Variants in ATP8A1 observed in about 807,000 individuals in gnomAD.
ATP8A1 encodes the protein ATPase phospholipid transporting 8A1.
Under a neutral mutation model 177.7 loss-of-function variants are expected in ATP8A1, and 90 were observed. That is an observed-to-expected ratio of 0.51 (90% confidence interval 0.43 to 0.60). The LOEUF (loss-of-function observed/expected upper bound fraction) is 0.60, where lower values mean the gene tolerates loss of function less well. Among genes scored for constraint, ATP8A1 ranks in the 20% least tolerant of loss-of-function variants. The probability of loss-of-function intolerance (pLI) is 0.00; values close to 1 mark genes in which losing one functional copy is unlikely to be tolerated. For missense variants in ATP8A1, 1,072 were observed against 1,392.8 expected (o/e 0.77, Z 3.67); for synonymous variants, 493 against 485.9 (o/e 1.01, Z -0.19).
At chr4:42,549,522 G>C (rs1385650601) in intron 18 of ATP8A1, among the ~76,000 whole-genome samples, 1 of 152,116 alleles carries the variant, frequency 6.6e-6, no homozygotes, top group Non-Finnish European at 1.5e-5. Context: ...AGGTCTGGTG[G>C]CCATGCCTGT....
chr4:42,630,764 TG>T (rs1407117347), intron 1 of ATP8A1, among the ~76,000 whole-genome samples: 1 of 152,186 alleles, frequency 6.6e-6, no homozygotes, highest in African/African-American at 2.4e-5. Flanking sequence ...CACCATGCAA[TG>T]GGTTTGAACT....
chr4:42,482,508 G>T (rs980269186), intron 25 of ATP8A1, among the ~76,000 whole-genome samples: 4 of 152,030 alleles, frequency 2.6e-5, no homozygotes, highest in African/African-American at 7.3e-5. Context: ...GGGGTGGGGG[G>T]ATTAGTTCTG....
intron 21 of ATP8A1, among the ~76,000 whole-genome samples, chr4:42,522,740 C>T (rs929262889): frequency 6.6e-6 from 1 of 152,192 alleles, no homozygotes; most frequent in Admixed American, 6.5e-5. Context: ...TTCTGCTTTT[C>T]CCAACGACTG....
At chr4:42,583,582 C>A (rs1313919367) in intron 9 of ATP8A1, among the ~76,000 whole-genome samples, 2 of 152,146 alleles carry the variant, frequency 1.3e-5, no homozygotes, top group African/African-American at 4.8e-5. Context: ...TTTTCAATTA[C>A]AAGGACTCAA....
intron 35 of ATP8A1, among the ~76,000 whole-genome samples, chr4:42,417,558 T>C (rs1713385463): frequency 6.6e-6 from 1 of 152,170 alleles, no homozygotes; most frequent in Non-Finnish European, 1.5e-5. Context: ...GAGGTGAATA[T>C]AAAGATAACA....
intron 4 of ATP8A1, among the ~76,000 whole-genome samples, chr4:42,618,375 T>C (rs1022665155): frequency 3.2e-4 from 49 of 152,294 alleles, no homozygotes; most frequent in African/African-American, 1.1e-3. Flanking sequence ...CATAAATATA[T>C]ACCAGTCAAA....
At chr4:42,447,979 T>C (rs1419392737) in intron 30 of ATP8A1, among the ~76,000 whole-genome samples, 9 of 152,218 alleles carry the variant, frequency 5.9e-5, no homozygotes, top group African/African-American at 1.7e-4. Flanking sequence ...TATGGATCTC[T>C]TTACACTAAA....
chr4:42,504,857 T>C (rs955934757), intron 23 of ATP8A1, among the ~76,000 whole-genome samples: 2 of 152,252 alleles, frequency 1.3e-5, no homozygotes, highest in African/African-American at 4.8e-5. Flanking sequence ...GACACTGCTA[T>C]GCTGAAGATC....
intron 12 of ATP8A1, among the ~76,000 whole-genome samples, chr4:42,577,624 A>T (rs1199592727): frequency 1.3e-5 from 2 of 152,180 alleles, no homozygotes; most frequent in Non-Finnish European, 2.9e-5. Flanking sequence ...CTTTAATAAA[A>T]ATAAAACTAA....
chr4:42,429,871 A>G (rs7660559), intron 33 of ATP8A1, among the ~76,000 whole-genome samples: 27,178 of 152,212 alleles, frequency 0.18, 2,919 homozygotes, highest in South Asian at 0.3. Context: ...AACAAACCAG[A>G]CATAAAAGGA....
At chr4:42,607,898 G>A (rs1365918343) in intron 5 of ATP8A1, among the ~76,000 whole-genome samples, 1 of 152,114 alleles carries the variant, frequency 6.6e-6, no homozygotes, top group East Asian at 1.9e-4. Flanking sequence ...AATAAGTTAC[G>A]ACAGGATTGT....
In ATP8A1 at chr4:42,487,202, C is replaced by G. The variant is rs146560790; in HGVS notation, c.2152-1534G>C. 7.4e-3 allele frequency among the ~76,000 whole-genome samples: 1,126 copies of G among 152,218 alleles called. 16 individuals are homozygous for G. Among genetic ancestry groups the G allele is most frequent in the Middle Eastern group, 0.041 (12 of 294 alleles). ...GATCAAATAAAAGAACGCCTTCTAT[C>G]AATGAAGAGTTCACTTTCAGGGACA... On this transcript the variant is annotated intron_variant, in intron 24 of 36. Coordinates refer to ENST00000381668, the MANE Select transcript of ATP8A1 (RefSeq NM_006095.2).
At chr4:42,454,407 T>C (rs1299228631) in intron 29 of ATP8A1, among the ~76,000 whole-genome samples, 1 of 152,218 alleles carries the variant, frequency 6.6e-6, no homozygotes, top group Non-Finnish European at 1.5e-5. Flanking sequence ...TAAGGTTACA[T>C]CTAATTATCA....
chr4:42,522,037 G>C, intron 22 of ATP8A1, 123 bp downstream of exon 22: 1 of 1,058,788 alleles, frequency 9.4e-7, no homozygotes. Context: ...GATGATGAGA[G>C]GGTATTCAAT....
At position 42,435,426 on chromosome 4, in the gene ATP8A1, CAAAAAAAAAAAA is replaced by C. The variant is rs55945370; in HGVS notation, c.3123+8127_3123+8138del. The stretch of plus-strand genomic sequence containing the variant: ...GGGGGACAAGAGCGAGACTTCATCT[CAAAAAAAAAAAA>C]AAAAAAAAAAACAAAAAAAAAAAAA... On this transcript the variant is annotated intron_variant, in intron 33 of 36. Transcript: ENST00000381668. Among the ~76,000 whole-genome samples, 255 of 93,958 alleles carry C rather than the reference CAAAAAAAAAAAA, an allele frequency of 2.7e-3. 1 individual carries two copies. Among genetic ancestry groups the C allele is most frequent in the East Asian group, 8.6e-3 (17 of 1,976 alleles). The allele number at this position is 93,958 out of a possible 152,430, so 61.6% of individuals were successfully genotyped here. A position where few individuals can be genotyped will look rare whatever the true frequency, so the allele number is the denominator to read the frequency against.
In ATP8A1 at chr4:42,625,718, A is replaced by T; in HGVS notation, c.165-5T>A. On this transcript the variant is annotated splice_polypyrimidine_tract_variant and splice_region_variant and intron_variant, in intron 2 of 36. Coordinates refer to ENST00000381668, the MANE Select transcript of ATP8A1 (RefSeq NM_006095.2). ...ATTATGTTGTATTTTGCAGTGCTAGAAAACAAAAATGAAAAGTAGCATAAA... is the reference window on the plus strand; with the variant it reads ...ATTATGTTGTATTTTGCAGTGCTAGTAAACAAAAATGAAAAGTAGCATAAA... The T allele has an allele frequency of 6.4e-7, 1 of 1,567,964 alleles. No individual in the cohort carries two copies. Among genetic ancestry groups the T allele is most frequent in the Non-Finnish European group, 8.7e-7 (1 of 1,149,754 alleles).
At position 42,588,325 on chromosome 4, in the gene ATP8A1, G is replaced by T; in HGVS notation, c.529C>A (p.Pro177Thr). ...ADLISLSSSE[P>T]QAMCYIETSN... ...GTTTCAATGTAGCACATGGCTTGGG[G>T]CTCACTGTAGTTTGGAGTTGAGAAG... The change falls in exon 8 of 37, where the codon CCC becomes ACC. Residue 177 changes from proline to threonine, a missense_variant. Physicochemically the swap from Pro to Thr is conservative, Grantham distance 38 (BLOSUM62 -1). Coordinates refer to ENST00000381668, the MANE Select transcript of ATP8A1 (RefSeq NM_006095.2). 1 of 1,612,774 alleles carries T rather than the reference G, an allele frequency of 6.2e-7. No individual in the cohort carries two copies. The highest frequency in any genetic ancestry group is 8.5e-7 in the Non-Finnish European group (1 of 1,179,460).
Position 42,416,173 on chromosome 4 carries a change from C to T in ATP8A1, c.3306-1455G>A, listed in dbSNP as rs571949505. On this transcript the variant is annotated intron_variant, in intron 35 of 36. Coordinates refer to ENST00000381668, the MANE Select transcript of ATP8A1 (RefSeq NM_006095.2). The stretch of plus-strand genomic sequence containing the variant: ...GATCTAGCATTACAGACCCATGGAC[C>T]CTGAGGGACACTAAAATATGTAACT... Among the ~76,000 whole-genome samples the T allele has an allele frequency of 4.6e-5, 7 of 152,180 alleles. 1 individual carries two copies. Among genetic ancestry groups the T allele is most frequent in the South Asian group, 4.2e-4 (2 of 4,810 alleles).
chr4:42,552,396 A>T, intron 17 of ATP8A1, 109 bp downstream of exon 17: 1 of 865,386 alleles, frequency 1.2e-6, no homozygotes, highest in East Asian at 2.8e-5. Context: ...GTAAATAAAA[A>T]TTTTTATCTA....
Sources: gnomAD v4.1 joint callset for allele counts (sites outside exome capture counted in the v4.1 genomes callset) on GRCh38, gnomAD v4.1.1 for gene constraint, MANE v1.5 for transcripts, NCBI Gene and HGNC (gene_info 2026-07-23, HGNC 2026-07-21) for gene names.